The following DOCK4 variants were observed in gnomAD, a reference collection of about 807,000 sequenced individuals.
The protein encoded by DOCK4 is dedicator of cytokinesis protein 4.
DOCK4 carries 97 observed loss-of-function variants against 268.1 expected under a neutral mutation model. The ratio of observed to expected loss-of-function variants is 0.36; its 90% CI spans 0.31 to 0.43. The LOEUF is 0.43. Among genes scored for constraint, DOCK4 ranks in the 20% least tolerant of loss-of-function variants. The pLI is 1.00. For synonymous variants in DOCK4, 954 were observed against 887.2 expected, an observed-to-expected ratio of 1.08 and a Z score of -1.34; for missense variants, 2,145 against 2,455.7, an observed-to-expected ratio of 0.87 and a Z score of 2.67.
rs147446198 is a variant in DOCK4 at position 111,766,506 on chromosome 7, A to G, written c.3915+526T>C. Among the ~76,000 whole-genome samples the G allele has an allele frequency of 2.5e-3, 376 of 152,332 alleles. 3 individuals carry two copies. The highest frequency in any genetic ancestry group is 8.7e-3 in the African/African-American group (360 of 41,578). ...TTGTTTGAACCTAAGAGCAAAGCAG[A>G]TATAAAACATTTGGTTCAGAGAAAC... On this transcript the variant is annotated intron_variant, in intron 38 of 52. Coordinates refer to ENST00000428084, the MANE Select transcript of DOCK4 (RefSeq NM_001363540.2).
chr7:111,977,313 T>C, intron 7 of DOCK4, 30 bp from the exon 8 acceptor site: 1 of 1,576,016 alleles, frequency 6.3e-7, no homozygotes, highest in East Asian at 2.3e-5. Flanking sequence ...AAAAACATGA[T>C]CAGCATGGAC....
Position 111,877,152 on chromosome 7 carries a change from C to A in DOCK4, c.1622G>T (p.Arg541Leu). The A allele has an allele frequency of 1.3e-6, 2 of 1,566,606 alleles. No homozygotes were observed. The highest frequency in any genetic ancestry group is 1.7e-6 in the Non-Finnish European group (2 of 1,157,284). ...EENTNLQDTT[R>L]YLKLPFSKGI... is the part of the protein sequence containing the mutation. The stretch of plus-strand genomic sequence containing the variant: ...CTTGGAAAAGGGAAGTTTGAGGTAG[C>A]GGGTAGTATCCTGAAGATTTGTGTT... The change falls in exon 17 of 53, where the codon CGC (arginine) becomes CTC (leucine). Residue 541 changes from arginine to leucine, a missense_variant. Arg to Leu is a moderately radical substitution (Grantham distance 102). Around this residue, in one of 2 missense-constraint regions of DOCK4, gnomAD observed 1,598 missense variants for 1,986.7 expected, o/e 0.80. Transcript: ENST00000428084.
intron 4 of DOCK4, among the ~76,000 whole-genome samples, chr7:111,996,285 A>G (rs919697655): frequency 6.6e-6 from 1 of 152,196 alleles, no homozygotes; most frequent in Non-Finnish European, 1.5e-5. Flanking sequence ...GCAAAATTTA[A>G]ATTTTTAAGC....
intron 1 of DOCK4, among the ~76,000 whole-genome samples, chr7:112,110,672 A>G (rs1311706020): frequency 6.6e-6 from 1 of 152,216 alleles, no homozygotes; most frequent in Non-Finnish European, 1.5e-5. Context: ...GGGAGACCTC[A>G]TCTCTGCCTG....
intron 26 of DOCK4, among the ~76,000 whole-genome samples, chr7:111,830,342 C>T (rs1013654527): frequency 2.0e-5 from 3 of 152,070 alleles, no homozygotes; most frequent in South Asian, 2.1e-4. Flanking sequence ...AGAGGAATTG[C>T]GTCAACCTGG....
chr7:111,931,433 C>G (rs1794193513), intron 12 of DOCK4, among the ~76,000 whole-genome samples: 1 of 152,110 alleles, frequency 6.6e-6, no homozygotes, highest in South Asian at 2.1e-4. Flanking sequence ...GAATAAGGAG[C>G]TAGTAAAATT....
intron 1 of DOCK4, among the ~76,000 whole-genome samples, chr7:112,158,328 T>C (rs932588971): frequency 6.6e-6 from 1 of 152,244 alleles, no homozygotes; most frequent in African/African-American, 2.4e-5. Flanking sequence ...TGCTTATACA[T>C]AGTATGAATT....
At chr7:111,958,907 CTCCCAT>C (rs1395487691) in intron 8 of DOCK4, among the ~76,000 whole-genome samples, 1 of 152,114 alleles carries the variant, frequency 6.6e-6, no homozygotes, top group Non-Finnish European at 1.5e-5. Flanking sequence ...ATTTAAAACT[CTCCCAT>C]TATTGACATA....
chr7:112,180,405 C>T (rs1002926649), intron 1 of DOCK4, among the ~76,000 whole-genome samples: 5 of 152,206 alleles, frequency 3.3e-5, no homozygotes, highest in African/African-American at 1.2e-4. Flanking sequence ...CAGGTCCACA[C>T]AGCACAACCT....
intron 11 of DOCK4, among the ~76,000 whole-genome samples, chr7:111,939,827 G>A (rs1012770424): frequency 1.3e-5 from 2 of 152,262 alleles, no homozygotes; most frequent in Non-Finnish European, 2.9e-5. Context: ...AGGTAAAGAC[G>A]TGCTAGGTTT....
At chr7:111,810,495 C>G (rs1484128544) in intron 28 of DOCK4, among the ~76,000 whole-genome samples, 1 of 151,370 alleles carries the variant, frequency 6.6e-6, no homozygotes, top group Non-Finnish European at 1.5e-5. Flanking sequence ...AGACAATTCA[C>G]AAAAATATGA....
At position 111,809,287 on chromosome 7, in the gene DOCK4, A is replaced by T. The variant is rs1238851495; in HGVS notation, c.3107+14T>A. 1.3e-6 allele frequency: 2 copies of T among 1,535,500 alleles called. No homozygotes were observed. The highest frequency in any genetic ancestry group is 1.8e-6 in the Non-Finnish European group (2 of 1,131,990). ...GAGGCAACATTTCTCACCTGATTAT[A>T]CACTGATACTTACTTTTCTAACACC... On this transcript the variant is annotated intron_variant, in intron 29 of 52. Transcript: ENST00000428084.
intron 1 of DOCK4, among the ~76,000 whole-genome samples, chr7:112,119,782 A>C (rs1430604193): frequency 6.6e-6 from 1 of 152,030 alleles, no homozygotes; most frequent in Non-Finnish European, 1.5e-5. Context: ...AGCTGCCGTA[A>C]GGATTATACA....
chr7:111,984,314 A>G lies in DOCK4; in HGVS notation c.541T>C (p.Tyr181His), dbSNP rs1236960394. The G allele has an allele frequency of 6.2e-7, 1 of 1,607,772 alleles. No individual in the cohort carries two copies. The highest frequency in any genetic ancestry group is 8.5e-7 in the Non-Finnish European group (1 of 1,175,210). Residue 181 changes from tyrosine to histidine, a missense_variant, in exon 7 of 53, where the codon TAC becomes CAC. By Grantham distance (83) the Tyr-to-His change is moderately conservative. This residue lies in a region of DOCK4 where 1,598 missense variants were observed against 1,986.7 expected (regional missense o/e 0.80). Transcript: ENST00000428084. The part of the protein sequence containing the change: ...DPEDISITEL[Y>H]RLMEHRHRKK... ...AGATTTCCTGTACCTACCAATCGGT[A>G]GAGCTCAGTAATGCTGATGTCTTCC...
intron 15 of DOCK4, among the ~76,000 whole-genome samples, chr7:111,898,455 A>C (rs1307336824): frequency 6.6e-6 from 1 of 152,214 alleles, no homozygotes; most frequent in African/African-American, 2.4e-5. Context: ...ACTGCACTTC[A>C]TCACTTGCTA....
chr7:112,186,253 T>C (rs1819489598), intron 1 of DOCK4, among the ~76,000 whole-genome samples: 1 of 152,196 alleles, frequency 6.6e-6, no homozygotes, highest in African/African-American at 2.4e-5. Context: ...GTTGCTTAGC[T>C]TTATGGTAAC....
chr7:112,098,458 C>T lies in DOCK4; in HGVS notation c.38-94327G>A, dbSNP rs149053396. ...TCCCAAAGTATTGGGATTACAGGTG[C>T]AAGCCACAGCGTCCAGCCTATAAAT... On this transcript the variant is annotated intron_variant, in intron 1 of 52. Coordinates refer to ENST00000428084, the MANE Select transcript of DOCK4 (RefSeq NM_001363540.2). Among the ~76,000 whole-genome samples the T allele has an allele frequency of 1.3e-4, 20 of 151,524 alleles. No homozygotes were observed. The East Asian group carries it at 3.7e-3, about 28-fold the overall frequency.
chr7:111,984,799 G>C (rs1274685692), intron 6 of DOCK4, among the ~76,000 whole-genome samples: 1 of 152,194 alleles, frequency 6.6e-6, no homozygotes, highest in African/African-American at 2.4e-5. Context: ...TTGGTCTTTA[G>C]AATTTGACCT....
At chr7:111,840,698 T>C in intron 25 of DOCK4, 3 of 783,228 alleles carry the variant, frequency 3.8e-6, no homozygotes, top group Non-Finnish European at 5.1e-6. Flanking sequence ...TGGGTAACAA[T>C]CATGGTGCTT....
Sources: gnomAD v4.1 joint callset for allele counts (sites outside exome capture counted in the v4.1 genomes callset) on GRCh38, gnomAD v4.1.1 for gene constraint, gnomAD v4.1.1 regional missense constraint, MANE v1.5 for transcripts, NCBI Gene and HGNC (gene_info 2026-07-23, HGNC 2026-07-21) for gene names.